Variants in CNBD2 observed in about 807,000 individuals in gnomAD.
The protein encoded by CNBD2 is cyclic nucleotide binding domain containing 2.
A neutral mutation model predicts 63.7 loss-of-function variants in CNBD2; 64 were observed. The ratio of observed to expected loss-of-function variants is 1.00; its 90% confidence interval spans 0.82 to 1.24. The LOEUF (loss-of-function observed/expected upper bound fraction) is 1.24. Ranked by LOEUF, CNBD2 falls within the 50% of genes most tolerant of loss-of-function variation. CNBD2 has a pLI of 0.00. For missense variants in CNBD2, 691 were observed against 713.5 expected, an observed-to-expected ratio of 0.97 and a Z score of 0.36; for synonymous variants, 229 against 255.4, an observed-to-expected ratio of 0.90 and a Z score of 0.99.
intron 7 of CNBD2, 27 bp from the exon 8 acceptor site, chr20:35,995,010 CT>C: frequency 6.5e-7 from 1 of 1,547,894 alleles, no homozygotes; most frequent in Admixed American, 1.7e-5. Flanking sequence ...GGGGTTAACC[CT>C]TTTCCTATGT....
At chr20:35,972,860 G>C (rs2056442072) in intron 2 of CNBD2, 94 bp downstream of exon 2, 1 of 1,277,962 alleles carries the variant, frequency 7.8e-7, no homozygotes, top group African/African-American at 1.5e-5. Flanking sequence ...TGAGAAAGAA[G>C]ACAAAAGGAA....
chr20:35,991,391 G>T lies in CNBD2; in HGVS notation c.856-3647G>T, dbSNP rs73902953. Among the ~76,000 whole-genome samples, 720 of 152,336 alleles carry T rather than the reference G, an allele frequency of 4.7e-3. 6 individuals are homozygous for T. The highest frequency in any genetic ancestry group is 0.016 in the African/African-American group (682 of 41,576). Reference sequence around the variant, plus strand: ...CAGCACCACCAGGGGCGTGGTGTGTGTGTTGTTATTCTCGGCTCAGTCCCA... The same window carrying T: ...CAGCACCACCAGGGGCGTGGTGTGTTTGTTGTTATTCTCGGCTCAGTCCCA... On this transcript the variant is annotated intron_variant, in intron 7 of 11. Transcript: ENST00000373973.
intron 8 of CNBD2, among the ~76,000 whole-genome samples, chr20:36,005,107 G>T (rs1015853943): frequency 6.6e-6 from 1 of 152,106 alleles, no homozygotes; most frequent in Non-Finnish European, 1.5e-5. Context: ...TGGTGTGTTT[G>T]TCTTTGCATC....
chr20:35,972,775 T>G lies in CNBD2; in HGVS notation c.189+9T>G. On this transcript the variant is annotated intron_variant, in intron 2 of 11. Coordinates refer to ENST00000373973, the MANE Select transcript of CNBD2 (RefSeq NM_001365709.1). ...TCTTCTCCTTCTGGGATGTAAGCAG[T>G]TGGGCTCAGCAGGATTATGAGGGCT... 1 of 1,614,070 alleles carries G rather than the reference T, an allele frequency of 6.2e-7. No individual in the cohort carries two copies. Among genetic ancestry groups the G allele is most frequent in the African/African-American group, 1.3e-5 (1 of 75,044 alleles).
chr20:36,005,118 TGTG>T lies in CNBD2; in HGVS notation c.971-3178_971-3176del, dbSNP rs2056966634. On this transcript the variant is annotated intron_variant, in intron 8 of 11. Coordinates refer to ENST00000373973, the MANE Select transcript of CNBD2 (RefSeq NM_001365709.1). ...TTCCTGGTGTGTTTGTCTTTGCATC[TGTG>T]TGCAAGGAAACGTATTAGACAAATT... Among the ~76,000 whole-genome samples the T allele has an allele frequency of 6.6e-5, 10 of 152,354 alleles. No individual in the cohort carries two copies. In the South Asian group the frequency reaches 2.1e-3, roughly 32 times the overall value.
At chr20:36,017,085 G>A (rs969468038) in intron 10 of CNBD2, among the ~76,000 whole-genome samples, 5 of 151,338 alleles carry the variant, frequency 3.3e-5, no homozygotes, top group African/African-American at 7.3e-5. Context: ...AAATGCAGTT[G>A]TGGGAGCGAG....
intron 8 of CNBD2, among the ~76,000 whole-genome samples, chr20:36,005,588 A>G (rs1336715610): frequency 6.6e-6 from 1 of 152,138 alleles, no homozygotes; most frequent in Non-Finnish European, 1.5e-5. Flanking sequence ...GATCAAACTC[A>G]GGGCTTTTTA....
At chr20:36,014,255 G>C (rs1162471244) in intron 10 of CNBD2, among the ~76,000 whole-genome samples, 1 of 151,532 alleles carries the variant, frequency 6.6e-6, no homozygotes, top group Non-Finnish European at 1.5e-5. Flanking sequence ...AGATAATAGG[G>C]CCTAAAAGAA....
At chr20:36,000,195 A>G (rs1341962106) in intron 8 of CNBD2, among the ~76,000 whole-genome samples, 1 of 152,126 alleles carries the variant, frequency 6.6e-6, no homozygotes, top group Non-Finnish European at 1.5e-5. Flanking sequence ...TCTGAAAACT[A>G]TTTTATCTTC....
chr20:35,964,308 A>T (rs1199248674), upstream of CNBD2, among the ~76,000 whole-genome samples: 2 of 150,618 alleles, frequency 1.3e-5, no homozygotes, highest in Non-Finnish European at 3.0e-5. Flanking sequence ...GGCCTCCCTA[A>T]TAGCTGGGAT....
intron 10 of CNBD2, among the ~76,000 whole-genome samples, chr20:36,022,195 C>CTTTTTCTTTTTT (rs1230527853): frequency 7.1e-5 from 4 of 56,264 alleles, no homozygotes; most frequent in African/African-American, 2.4e-4. Context: ...TTTTTTTTTT[C>CTTTTTCTTTTTT]TTTTTTTTTT....
downstream of CNBD2, among the ~76,000 whole-genome samples, chr20:35,958,020 C>CTGA (rs2056273277): frequency 6.6e-6 from 1 of 152,228 alleles, no homozygotes; most frequent in African/African-American, 2.4e-5. Context: ...GTCCCAGACT[C>CTGA]TTTCAGAGAC....
At chr20:36,014,189 A>C (rs1473701285) in intron 10 of CNBD2, among the ~76,000 whole-genome samples, 1 of 151,628 alleles carries the variant, frequency 6.6e-6, no homozygotes, top group Non-Finnish European at 1.5e-5. Flanking sequence ...TCTCAAAAAA[A>C]AAAAAAGGAA....
intron 10 of CNBD2, 27 bp from the exon 11 acceptor site, chr20:36,023,575 G>T: frequency 6.5e-7 from 1 of 1,547,128 alleles, no homozygotes; most frequent in East Asian, 2.3e-5. Context: ...AGTCTCTGAG[G>T]TCTAACTTTC....
At chr20:35,997,319 C>T (rs1326812151) in intron 8 of CNBD2, among the ~76,000 whole-genome samples, 5 of 152,114 alleles carry the variant, frequency 3.3e-5, no homozygotes, top group African/African-American at 9.7e-5. Flanking sequence ...TATAGCAGTC[C>T]TCCTGAGATT....
intron 8 of CNBD2, among the ~76,000 whole-genome samples, chr20:35,999,722 G>T (rs922076915): frequency 4.5e-4 from 67 of 149,086 alleles, no homozygotes; most frequent in African/African-American, 1.6e-3. Flanking sequence ...CTGTTGCCCA[G>T]GCTGGAGTGC....
intron 8 of CNBD2, among the ~76,000 whole-genome samples, chr20:35,998,014 C>CTGTTACTGAT (rs756129045): frequency 2.0e-5 from 3 of 147,196 alleles, no homozygotes; most frequent in Non-Finnish European, 4.5e-5. Context: ...ACCTATCTTT[C>CTGTTACTGAT]TGTTACTGAT....
At chr20:36,025,069 A>G (rs1275662260) in intron 11 of CNBD2, among the ~76,000 whole-genome samples, 1 of 152,228 alleles carries the variant, frequency 6.6e-6, no homozygotes, top group Non-Finnish European at 1.5e-5. Context: ...TATTCTCTTG[A>G]TAGAACATAA....
intron 4 of CNBD2, 117 bp from the exon 5 acceptor site, chr20:35,983,865 G>A (rs973915352): frequency 2.6e-5 from 31 of 1,202,198 alleles, no homozygotes; most frequent in Non-Finnish European, 3.5e-5. Flanking sequence ...GGGCCCTTCT[G>A]GTCCAAGTCT....
Sources: allele counts gnomAD v4.1 joint callset (sites outside exome capture counted in the v4.1 genomes callset), GRCh38; gene constraint gnomAD v4.1.1; transcripts MANE v1.5; gene names NCBI Gene and HGNC (gene_info 2026-07-23, HGNC 2026-07-21).